Variants in EBF1 observed in about 807,000 individuals in gnomAD.
EBF1 encodes the protein transcription factor COE1.
EBF1 carries 10 observed loss-of-function variants against 68.4 expected under a neutral mutation model. The observed-to-expected ratio is 0.15, with a 90% CI of 0.09 to 0.25. The LOEUF is 0.25. EBF1 is among the 10% of genes least tolerant of loss of function. The pLI, the probability that EBF1 is intolerant of heterozygous loss-of-function variation, is 1.00. For synonymous variants in EBF1, 298 were observed against 299.8 expected, an observed-to-expected ratio of 0.99 and a Z score of 0.06; for missense variants, 509 against 794.4, an observed-to-expected ratio of 0.64 and a Z score of 4.32.
chr5:159,094,252 A>G (rs1472079619), intron 4 of EBF1, among the ~76,000 whole-genome samples: 1 of 151,418 alleles, frequency 6.6e-6, no homozygotes, highest in Admixed American at 6.6e-5. Context: ...ATTAAAGAAA[A>G]TAAAACCAAG....
At chr5:158,837,073 G>A (rs1205963571) in intron 7 of EBF1, among the ~76,000 whole-genome samples, 4 of 152,180 alleles carry the variant, frequency 2.6e-5, no homozygotes, top group African/African-American at 4.8e-5. Context: ...GCTTGTCAGC[G>A]GTTATCAGAT....
chr5:158,905,278 G>A (rs563228456), intron 6 of EBF1, among the ~76,000 whole-genome samples: 1 of 152,086 alleles, frequency 6.6e-6, no homozygotes, highest in Admixed American at 6.6e-5. Flanking sequence ...AATCAAATTT[G>A]CTTATGCCAT....
intron 6 of EBF1, among the ~76,000 whole-genome samples, chr5:158,912,681 C>T (rs991849109): frequency 2.0e-5 from 3 of 152,134 alleles, no homozygotes; most frequent in Admixed American, 6.6e-5. Flanking sequence ...GAAGATAGGG[C>T]AAATGTTAGC....
chr5:158,840,659 TTTTTTTTTTTTTTG>T (rs775897737), intron 6 of EBF1, among the ~76,000 whole-genome samples: 7,879 of 103,310 alleles, frequency 0.076, 1,136 homozygotes, highest in South Asian at 0.15. Flanking sequence ...TTTTTTTTTT[TTTTTTTTTTTTTTG>T]TTTTTTTTTT....
At chr5:159,035,129 A>AAGAG (rs371989316) in intron 6 of EBF1, among the ~76,000 whole-genome samples, 7 of 151,036 alleles carry the variant, frequency 4.6e-5, no homozygotes, top group African/African-American at 1.2e-4. Context: ...AAGAGAAAGA[A>AAGAG]AGAGAGAGAG....
intron 6 of EBF1, among the ~76,000 whole-genome samples, chr5:158,921,849 T>C (rs755568677): frequency 7.9e-5 from 12 of 152,254 alleles, no homozygotes; most frequent in Non-Finnish European, 1.8e-4. Context: ...AAAGATTCCC[T>C]GGCACAAACA....
In EBF1 at chr5:158,708,190, G is replaced by A; in HGVS notation, c.1550-17C>T. ...ATGGCACTACTGAGAGGGGCAATGA[G>A]AAAGGAGAAATCAGTGCCTTTCATG... On this transcript the variant is annotated splice_polypyrimidine_tract_variant and intron_variant, in intron 14 of 15. Transcript: ENST00000313708. The A allele has an allele frequency of 6.4e-7, 1 of 1,563,436 alleles. No homozygotes were observed. Among genetic ancestry groups the A allele is most frequent in the Non-Finnish European group, 8.7e-7 (1 of 1,153,004 alleles).
At chr5:159,087,357 CATAT>C (rs59723820) in intron 4 of EBF1, among the ~76,000 whole-genome samples, 2 of 140,920 alleles carry the variant, frequency 1.4e-5, no homozygotes, top group African/African-American at 2.7e-5. Flanking sequence ...TATATATACA[CATAT>C]ATATATACAC....
At chr5:159,024,444 C>A (rs781391779) in intron 6 of EBF1, among the ~76,000 whole-genome samples, 5 of 152,062 alleles carry the variant, frequency 3.3e-5, no homozygotes, top group Non-Finnish European at 7.4e-5. Flanking sequence ...ACAGTCCTAT[C>A]GAAAACCAAA....
At chr5:158,724,970 C>T (rs553998501) in intron 11 of EBF1, among the ~76,000 whole-genome samples, 2 of 152,272 alleles carry the variant, frequency 1.3e-5, no homozygotes, top group African/African-American at 4.8e-5. Context: ...TATCATGTGG[C>T]CAGCAGAGGT....
chr5:158,988,968 T>C (rs1759706571), intron 6 of EBF1, among the ~76,000 whole-genome samples: 1 of 152,232 alleles, frequency 6.6e-6, no homozygotes, highest in African/African-American at 2.4e-5. Flanking sequence ...CAGAAAACCC[T>C]TTGGCAGCCA....
chr5:158,944,292 C>T (rs541504968), intron 6 of EBF1, among the ~76,000 whole-genome samples: 1 of 152,130 alleles, frequency 6.6e-6, no homozygotes, highest in Non-Finnish European at 1.5e-5. Context: ...TTGTTCAACT[C>T]CCAAGTATGA....
rs190949169 is a variant in EBF1, at chr5:159,027,395, G to A, written c.554+46001C>T. On this transcript the variant is annotated intron_variant, in intron 6 of 15. Transcript: ENST00000313708. ...CTTCCAGGAGCCTTCTCAGACCACTGTTCATCCCCAGACCAGGTTAGGCTG... is the reference window on the plus strand; with the variant it reads ...CTTCCAGGAGCCTTCTCAGACCACTATTCATCCCCAGACCAGGTTAGGCTG... Among the ~76,000 whole-genome samples the A allele has an allele frequency of 3.6e-3, 555 of 152,184 alleles. 1 individual carries two copies. The highest frequency in any genetic ancestry group is 0.012 in the African/African-American group (501 of 41,544).
intron 6 of EBF1, among the ~76,000 whole-genome samples, chr5:158,928,326 A>C (rs1810109262): frequency 6.6e-6 from 1 of 152,184 alleles, no homozygotes; most frequent in African/African-American, 2.4e-5. Context: ...ATGTTCATTC[A>C]TTGTTCTCCC....
chr5:158,983,876 T>G (rs1301756102), intron 6 of EBF1: 1 of 147,678 alleles, frequency 6.8e-6, no homozygotes, highest in African/African-American at 2.5e-5. Flanking sequence ...TCTGGGCAGA[T>G]TCTCATCCTG....
At chr5:159,013,858 C>T (rs796633813) in intron 6 of EBF1, among the ~76,000 whole-genome samples, 47 of 152,310 alleles carry the variant, frequency 3.1e-4, no homozygotes, top group African/African-American at 9.6e-4. Context: ...CACTTTTCAG[C>T]GCTCCAAAGA....
At chr5:159,084,316 C>G (rs1165690140) in intron 5 of EBF1, among the ~76,000 whole-genome samples, 1 of 152,130 alleles carries the variant, frequency 6.6e-6, no homozygotes, top group Non-Finnish European at 1.5e-5. Flanking sequence ...AACTCTTACT[C>G]ATTTTACTAG....
At chr5:159,015,743 G>T (rs904299378) in intron 6 of EBF1, among the ~76,000 whole-genome samples, 6 of 152,164 alleles carry the variant, frequency 3.9e-5, no homozygotes, top group African/African-American at 1.2e-4. Context: ...TATACGGTCC[G>T]CATCTTTGTG....
At chr5:158,742,530 C>A (rs1766638640) in intron 10 of EBF1, among the ~76,000 whole-genome samples, 1 of 152,178 alleles carries the variant, frequency 6.6e-6, no homozygotes, top group Non-Finnish European at 1.5e-5. Context: ...GGGGCAGGTG[C>A]AATGAATACA....
Sources: allele counts gnomAD v4.1 joint callset (sites outside exome capture counted in the v4.1 genomes callset), GRCh38; gene constraint gnomAD v4.1.1; transcripts MANE v1.5; gene names NCBI Gene and HGNC (gene_info 2026-07-23, HGNC 2026-07-21).